The following ELAPOR1 variants were observed in gnomAD, a reference collection of about 807,000 sequenced individuals.
ELAPOR1 encodes endosome-lysosome associated apoptosis and autophagy regulator 1.
Under a neutral mutation model 119.7 loss-of-function variants are expected in ELAPOR1, and 77 were observed. That is an observed-to-expected ratio of 0.64 (90% CI 0.54 to 0.78). The LOEUF is 0.78. Ranked by LOEUF, ELAPOR1 falls within the 30% of genes least tolerant of loss-of-function variation. The pLI is 0.00. For missense variants in ELAPOR1, 1,115 were observed against 1,270.4 expected (o/e 0.88, Z 1.86); for synonymous variants, 481 against 487.2 (o/e 0.99, Z 0.17).
At chr1:109,140,848 T>C (rs1649782758) in intron 1 of ELAPOR1, among the ~76,000 whole-genome samples, 1 of 152,168 alleles carries the variant, frequency 6.6e-6, no homozygotes, top group Admixed American at 6.5e-5. Context: ...ATGCATTTTA[T>C]TTTATTTATT....
intron 1 of ELAPOR1, among the ~76,000 whole-genome samples, chr1:109,154,281 C>CAAAAAAA (rs745938875): frequency 5.0e-5 from 2 of 39,712 alleles, no homozygotes; most frequent in African/African-American, 9.1e-5. Context: ...AACTCCGTCT[C>CAAAAAAA]AAAAAAAAAA....
chr1:109,202,688 G>A (rs1266348169), intron 21 of ELAPOR1, among the ~76,000 whole-genome samples: 1 of 152,102 alleles, frequency 6.6e-6, no homozygotes, highest in African/African-American at 2.4e-5. Flanking sequence ...TGATCCACCT[G>A]CCTTGGCCTC....
Position 109,191,716 on chromosome 1 carries a change from C to T in ELAPOR1, c.1546-10C>T, listed in dbSNP as rs752485544. ...ATCGCACCCGCTTCACTTGTCTGTC[C>T]TGGGTTCAGGGTGTGAATTCTAGGA... is the stretch of plus-strand genomic sequence containing the variant. On this transcript the variant is annotated splice_polypyrimidine_tract_variant and intron_variant, in intron 12 of 21. Coordinates refer to ENST00000369939, the MANE Select transcript of ELAPOR1 (RefSeq NM_020775.5). 1.9e-6 allele frequency: 3 copies of T among 1,614,078 alleles called. No homozygotes were observed. The highest frequency in any genetic ancestry group is 2.5e-6 in the Non-Finnish European group (3 of 1,179,942).
intron 1 of ELAPOR1, among the ~76,000 whole-genome samples, chr1:109,157,702 C>T (rs1480673750): frequency 6.6e-6 from 1 of 152,076 alleles, no homozygotes; most frequent in African/African-American, 2.4e-5. Context: ...TTCTAATTTG[C>T]CTATTTACTT....
chr1:109,150,922 T>C (rs1395297376), intron 1 of ELAPOR1, among the ~76,000 whole-genome samples: 3 of 152,132 alleles, frequency 2.0e-5, no homozygotes, highest in African/African-American at 7.2e-5. Context: ...AATGTTTTCC[T>C]GTGTAGGGAG....
In ELAPOR1 at chr1:109,203,265, C is replaced by A; in HGVS notation, c.*253C>A. ...GCTTGTATCTTGTTTCCCAAAATGG[C>A]CCATCCGCCAGAGCCATAGCTTCGT... On this transcript the variant is annotated 3_prime_UTR_variant, in exon 22 of 22. Transcript: ENST00000369939. 1 of 479,672 alleles carries A rather than the reference C, an allele frequency of 2.1e-6. No homozygotes were observed. 29.7% of individuals were successfully genotyped at this position (479,672 alleles called of 1,614,324 possible).
intron 2 of ELAPOR1, 107 bp from the exon 3 acceptor site, chr1:109,164,392 C>A: frequency 1.1e-6 from 1 of 935,620 alleles, no homozygotes; most frequent in Non-Finnish European, 1.6e-6. Context: ...GTGGGCCAAA[C>A]TCCTAGACCC....
chr1:109,189,296 C>A, intron 10 of ELAPOR1, 102 bp downstream of exon 10: 1 of 1,407,888 alleles, frequency 7.1e-7, no homozygotes, highest in South Asian at 1.3e-5. Flanking sequence ...GAAAAATAAG[C>A]TAACCATGTC....
At chr1:109,183,738 C>T (rs367927867) in intron 7 of ELAPOR1, among the ~76,000 whole-genome samples, 1 of 152,014 alleles carries the variant, frequency 6.6e-6, no homozygotes, top group Non-Finnish European at 1.5e-5. Flanking sequence ...CCTGCCTCAA[C>T]ATCAAGTAGC....
rs1159828681 is a variant in ELAPOR1, at chr1:109,114,250, C to A, written c.67C>A (p.Pro23Thr). The A allele has an allele frequency of 1.2e-6, 2 of 1,604,074 alleles. No individual in the cohort carries two copies. The highest frequency in any genetic ancestry group is 8.5e-7 in the Non-Finnish European group (1 of 1,175,304). ...RVRGRTERRI[P>T]RLWRLLLWAG... ...CAGGGGAAGAACTGAGAGGCGCATA[C>A]CCCGGCTGTGGCGGCTGCTGCTCTG... The change falls in exon 1 of 22, where the codon CCC becomes ACC. Residue 23 changes from proline (P) to threonine (T), a missense_variant. Physicochemically the swap from Pro to Thr is conservative, Grantham distance 38 (BLOSUM62 -1). Transcript: ENST00000369939.
chr1:109,179,290 T>C (rs1283104451), intron 7 of ELAPOR1, among the ~76,000 whole-genome samples: 1 of 151,226 alleles, frequency 6.6e-6, no homozygotes, highest in African/African-American at 2.4e-5. Flanking sequence ...TAGTCCCAGC[T>C]ACTCGGGAGG....
rs370071079 is a variant in ELAPOR1 at position 109,184,941 on chromosome 1, G to A, written c.953-104G>A. ...ATTTTCTACTTCCGGCAATATTTGT[G>A]TGGCAATGCACCCAGGGACTTGGGA... On this transcript the variant is annotated intron_variant, in intron 7 of 21. Transcript: ENST00000369939. The A allele has an allele frequency of 7.5e-6, 6 of 805,104 alleles. No homozygotes were observed. In the East Asian group the frequency reaches 9.7e-5, roughly 13 times the overall value. 49.9% of individuals were successfully genotyped at this position (805,104 alleles called of 1,614,324 possible). A position where few individuals can be genotyped will look rare whatever the true frequency, so the allele number is the denominator to read the frequency against.
At chr1:109,152,302 T>A (rs1447862956) in intron 1 of ELAPOR1, among the ~76,000 whole-genome samples, 1 of 152,204 alleles carries the variant, frequency 6.6e-6, no homozygotes, top group African/African-American at 2.4e-5. Context: ...CCCCAAGGCA[T>A]CCAGTCTAAA....
chr1:109,174,336 C>CT (rs1282511726), intron 7 of ELAPOR1, among the ~76,000 whole-genome samples: 1 of 130,408 alleles, frequency 7.7e-6, no homozygotes, highest in Non-Finnish European at 1.6e-5. Context: ...TCAATTGGGC[C>CT]TAGGAGGTTG....
intron 1 of ELAPOR1, among the ~76,000 whole-genome samples, chr1:109,148,423 G>C (rs1650324202): frequency 6.6e-6 from 1 of 152,218 alleles, no homozygotes; most frequent in African/African-American, 2.4e-5. Context: ...ACAGGCGTGA[G>C]CCACTGTGCC....
chr1:109,155,368 C>T (rs1183486952), intron 1 of ELAPOR1, among the ~76,000 whole-genome samples: 1 of 152,010 alleles, frequency 6.6e-6, no homozygotes. Context: ...TTAATAGAGA[C>T]GGGGTTTCAC....
At chr1:109,170,477 T>C (rs1056408384) in intron 3 of ELAPOR1, among the ~76,000 whole-genome samples, 2 of 152,190 alleles carry the variant, frequency 1.3e-5, no homozygotes, top group Non-Finnish European at 2.9e-5. Context: ...GAAGACTTTT[T>C]AGATTAAGTG....
At chr1:109,120,379 A>G (rs534293305) in intron 1 of ELAPOR1, among the ~76,000 whole-genome samples, 6 of 149,612 alleles carry the variant, frequency 4.0e-5, no homozygotes, top group Non-Finnish European at 8.8e-5. Flanking sequence ...CCTGCGTGAC[A>G]GAGCAAGACT....
chr1:109,174,880 T>C (rs2101065954), intron 7 of ELAPOR1, among the ~76,000 whole-genome samples: 1 of 152,004 alleles, frequency 6.6e-6, no homozygotes. Flanking sequence ...TGCGCCCGGC[T>C]AATTTTTTGT....
Sources: allele counts gnomAD v4.1 joint callset (sites outside exome capture counted in the v4.1 genomes callset), GRCh38; gene constraint gnomAD v4.1.1; transcripts MANE v1.5; gene names NCBI Gene and HGNC (gene_info 2026-07-23, HGNC 2026-07-21).